The following FRMD3 variants were observed in gnomAD, a reference collection of about 807,000 sequenced individuals.
FRMD3 encodes the protein FERM domain-containing protein 3.
A neutral mutation model predicts 70.2 loss-of-function variants in FRMD3; 33 were observed. That is an observed-to-expected ratio of 0.47 (90% CI 0.36 to 0.63). FRMD3 has a LOEUF of 0.63. Among genes scored for constraint, FRMD3 ranks in the 20% least tolerant of loss-of-function variants. FRMD3 has a pLI of 0.00. For synonymous variants in FRMD3, 279 were observed against 255.9 expected, an observed-to-expected ratio of 1.09 and a Z score of -0.86; for missense variants, 632 against 711.4, an observed-to-expected ratio of 0.89 and a Z score of 1.27.
the FRMD3 span, among the ~76,000 whole-genome samples, chr9:83,559,261 C>T: frequency 1.3e-5 from 2 of 152,144 alleles, no homozygotes; most frequent in African/African-American, 4.8e-5. Flanking sequence ...CCACAGCCAC[C>T]CCAAGCTGTA....
chr9:83,332,162 G>A (rs552289125), intron 6 of FRMD3, among the ~76,000 whole-genome samples: 218 of 152,322 alleles, frequency 1.4e-3, no homozygotes, highest in Non-Finnish European at 2.5e-3. Context: ...GATCTTGACT[G>A]AAATAGAGAT....
intron 13 of FRMD3, among the ~76,000 whole-genome samples, chr9:83,273,138 A>G (rs1482182067): frequency 6.6e-6 from 1 of 152,200 alleles, no homozygotes; most frequent in Non-Finnish European, 1.5e-5. Flanking sequence ...GGTGTACCCA[A>G]CAGCTCATTG....
chr9:83,436,509 C>T (rs1036923133), intron 1 of FRMD3, among the ~76,000 whole-genome samples: 3 of 140,186 alleles, frequency 2.1e-5, no homozygotes, highest in Non-Finnish European at 4.6e-5. Context: ...CACAAGAGAT[C>T]AACTAGCAAA....
intron 1 of FRMD3, among the ~76,000 whole-genome samples, chr9:83,417,923 G>GCTGGCAGA (rs1826502979): frequency 6.6e-6 from 1 of 152,220 alleles, no homozygotes; most frequent in Non-Finnish European, 1.5e-5. Flanking sequence ...AGATCTGGCA[G>GCTGGCAGA]TTAGGGACAT....
At chr9:83,479,890 G>A (rs370907027) in intron 1 of FRMD3, among the ~76,000 whole-genome samples, 1 of 152,072 alleles carries the variant, frequency 6.6e-6, no homozygotes, top group Non-Finnish European at 1.5e-5. Flanking sequence ...CAAGGCCACA[G>A]TGAGATATCA....
intron 1 of FRMD3, among the ~76,000 whole-genome samples, chr9:83,499,311 A>T (rs1469817285): frequency 2.0e-5 from 3 of 152,140 alleles, no homozygotes; most frequent in African/African-American, 7.2e-5. Flanking sequence ...CAAACGGAGG[A>T]GCTGTGAAGG....
At chr9:83,551,842 GTGTT>G in the FRMD3 span, among the ~76,000 whole-genome samples, 1 of 151,566 alleles carries the variant, frequency 6.6e-6, no homozygotes, top group Non-Finnish European at 1.5e-5. Flanking sequence ...ATTTCTAATT[GTGTT>G]TATTTGGATC....
chr9:83,362,271 G>C (rs557313017), intron 3 of FRMD3, among the ~76,000 whole-genome samples: 3 of 151,812 alleles, frequency 2.0e-5, no homozygotes, highest in East Asian at 3.9e-4. Flanking sequence ...CTATTTGTTA[G>C]ATTAGCCCCA....
At chr9:83,309,259 TACACACACACACAC>T (rs3029557) in intron 10 of FRMD3, among the ~76,000 whole-genome samples, 31 of 138,378 alleles carry the variant, frequency 2.2e-4, no homozygotes, top group East Asian at 6.3e-4. Flanking sequence ...CTATTTGAAA[TACACACACACACAC>T]ACACACACAC....
chr9:83,381,966 C>A (rs543215541), intron 2 of FRMD3, among the ~76,000 whole-genome samples: 2 of 152,010 alleles, frequency 1.3e-5, no homozygotes, highest in African/African-American at 2.4e-5. Context: ...GGAAAGCCAT[C>A]CTGACCCTTG....
At chr9:83,529,904 A>G (rs931429593) in intron 1 of FRMD3, among the ~76,000 whole-genome samples, 1 of 152,224 alleles carries the variant, frequency 6.6e-6, no homozygotes, top group African/African-American at 2.4e-5. Flanking sequence ...AACTTTAGCC[A>G]CCAGAGAAAT....
intron 13 of FRMD3, among the ~76,000 whole-genome samples, chr9:83,266,857 G>A (rs909284598): frequency 6.6e-6 from 1 of 151,854 alleles, no homozygotes; most frequent in Non-Finnish European, 1.5e-5. Flanking sequence ...CTTCCCACTC[G>A]TCTCTGCTTT....
chr9:83,361,148 T>A (rs1283538256), intron 3 of FRMD3, among the ~76,000 whole-genome samples: 1 of 152,206 alleles, frequency 6.6e-6, no homozygotes. Flanking sequence ...AACAAAGGCA[T>A]CCAAAACTAA....
At chr9:83,513,369 A>G (rs368119261) in intron 1 of FRMD3, among the ~76,000 whole-genome samples, 1 of 152,212 alleles carries the variant, frequency 6.6e-6, no homozygotes, top group African/African-American at 2.4e-5. Context: ...CTAGGGTCAG[A>G]TGTAGGAAGA....
intron 6 of FRMD3, among the ~76,000 whole-genome samples, chr9:83,325,500 T>A (rs776718644): frequency 6.6e-6 from 1 of 151,844 alleles, no homozygotes; most frequent in African/African-American, 2.4e-5. Context: ...AATTTTTGTA[T>A]TTTTTGTAGA....
At chr9:83,351,645 A>C (rs571080990) in intron 3 of FRMD3, among the ~76,000 whole-genome samples, 1 of 152,020 alleles carries the variant, frequency 6.6e-6, no homozygotes, top group Non-Finnish European at 1.5e-5. Flanking sequence ...CATCTTTAAT[A>C]GAGATAGATA....
the FRMD3 span, among the ~76,000 whole-genome samples, chr9:83,581,782 TA>T: frequency 3.3e-5 from 5 of 152,046 alleles, no homozygotes; most frequent in Non-Finnish European, 7.4e-5. Flanking sequence ...TATTTTGCAA[TA>T]AAAAAATGAA....
chr9:83,579,331 G>T, the FRMD3 span, among the ~76,000 whole-genome samples: 1 of 151,160 alleles, frequency 6.6e-6, no homozygotes, highest in East Asian at 1.9e-4. Context: ...AAATTCATGT[G>T]GAACTACAAA....
chr9:83,344,871 C>A (rs894458270), intron 4 of FRMD3, among the ~76,000 whole-genome samples: 3 of 146,528 alleles, frequency 2.0e-5, no homozygotes, highest in Admixed American at 2.0e-4. Flanking sequence ...CCTATTGGTT[C>A]TATTTCTCTG....
Sources: gnomAD v4.1 joint callset for allele counts (sites outside exome capture counted in the v4.1 genomes callset) on GRCh38, gnomAD v4.1.1 for gene constraint, MANE v1.5 for transcripts, NCBI Gene and HGNC (gene_info 2026-07-23, HGNC 2026-07-21) for gene names.